Variants in CDH13 observed in about 807,000 individuals in gnomAD.
The protein encoded by CDH13 is cadherin-13.
CDH13 carries 24 observed loss-of-function variants against 63.8 expected under a neutral mutation model. The ratio of observed to expected loss-of-function variants is 0.38; its 90% confidence interval spans 0.27 to 0.53. The LOEUF is 0.53. Among genes scored for constraint, CDH13 ranks in the 20% least tolerant of loss-of-function variants. The pLI, the probability that CDH13 is intolerant of heterozygous loss-of-function variation, is 0.85. For missense variants in CDH13, 1,049 were observed against 903.1 expected, an observed-to-expected ratio of 1.16 and a Z score of -2.07; for synonymous variants, 503 against 355.3, an observed-to-expected ratio of 1.42 and a Z score of -4.67.
intron 4 of CDH13, among the ~76,000 whole-genome samples, chr16:83,135,306 A>G (rs2036233257): frequency 6.6e-6 from 1 of 152,258 alleles, no homozygotes; most frequent in Non-Finnish European, 1.5e-5. Flanking sequence ...TCAATGCCAC[A>G]TCAGTGATCT....
chr16:82,715,029 T>C (rs1395663174), intron 1 of CDH13, among the ~76,000 whole-genome samples: 2 of 144,920 alleles, frequency 1.4e-5, no homozygotes, highest in Non-Finnish European at 3.0e-5. Context: ...TCCCAAACTC[T>C]TTCCACTATG....
chr16:83,423,898 A>G (rs1240067357), intron 6 of CDH13, among the ~76,000 whole-genome samples: 3 of 152,216 alleles, frequency 2.0e-5, no homozygotes, highest in South Asian at 2.1e-4. Flanking sequence ...CCTCCGTCCT[A>G]TGGCAGTCTG....
At chr16:83,572,538 C>T (rs992106270) in intron 7 of CDH13, among the ~76,000 whole-genome samples, 3 of 152,136 alleles carry the variant, frequency 2.0e-5, no homozygotes, top group Admixed American at 6.5e-5. Flanking sequence ...GTGTCAGGTT[C>T]GCCTCTTAAG....
At chr16:83,097,588 T>A (rs2034270260) in intron 3 of CDH13, among the ~76,000 whole-genome samples, 1 of 152,194 alleles carries the variant, frequency 6.6e-6, no homozygotes, top group Admixed American at 6.5e-5. Flanking sequence ...AACTCCTTCC[T>A]TCCTAACTTT....
intron 3 of CDH13, among the ~76,000 whole-genome samples, chr16:83,043,120 T>A (rs1022832836): frequency 6.6e-6 from 1 of 152,228 alleles, no homozygotes; most frequent in Admixed American, 6.5e-5. Flanking sequence ...GACACATGCC[T>A]AAATTGTTAT....
Position 83,705,299 on chromosome 16 carries a change from A to G in CDH13, c.1538+26838A>G, listed in dbSNP as rs11864252. 7.6e-3 allele frequency among the ~76,000 whole-genome samples: 1,153 copies of G among 152,262 alleles called. 25 individuals are homozygous for G. Among genetic ancestry groups the G allele is most frequent in the African/African-American group, 0.026 (1,078 of 41,558 alleles). ...ACCTGGAAAACAAAGTAGACAACCA[A>G]GCTTTTTGAGAATTTTGACTTTTTT... On this transcript the variant is annotated intron_variant, in intron 10 of 13. Coordinates refer to ENST00000567109, the MANE Select transcript of CDH13 (RefSeq NM_001257.5).
chr16:83,381,256 C>A (rs540352111), intron 6 of CDH13, among the ~76,000 whole-genome samples: 2 of 152,196 alleles, frequency 1.3e-5, no homozygotes, highest in South Asian at 4.2e-4. Flanking sequence ...GAGCACATCT[C>A]TTTAGCCTCC....
intron 1 of CDH13, among the ~76,000 whole-genome samples, chr16:82,758,157 G>T (rs2034691744): frequency 6.6e-6 from 1 of 152,030 alleles, no homozygotes. Context: ...AAAAGACCTG[G>T]TCAAAATTGA....
intron 8 of CDH13, among the ~76,000 whole-genome samples, chr16:83,607,210 G>C (rs1257724539): frequency 1.3e-5 from 2 of 152,120 alleles, no homozygotes; most frequent in Non-Finnish European, 2.9e-5. Flanking sequence ...CTGAGGTCAG[G>C]AGTTCGAGAC....
intron 2 of CDH13, among the ~76,000 whole-genome samples, chr16:82,864,695 A>C (rs2040061490): frequency 6.6e-6 from 1 of 152,196 alleles, no homozygotes; most frequent in Admixed American, 6.5e-5. Context: ...GAGTTGTGAC[A>C]CAGAGCCAGA....
At chr16:83,608,173 C>G (rs1043814801) in intron 8 of CDH13, among the ~76,000 whole-genome samples, 2 of 152,180 alleles carry the variant, frequency 1.3e-5, no homozygotes, top group Non-Finnish European at 2.9e-5. Context: ...TCAATGAGTT[C>G]TTTCTAAGGT....
intron 4 of CDH13, among the ~76,000 whole-genome samples, chr16:83,200,959 GTGTGTGTGTGTGTT>G (rs2039011326): frequency 7.3e-6 from 1 of 137,308 alleles, no homozygotes; most frequent in Non-Finnish European, 1.6e-5. Context: ...GTGTGTGTGT[GTGTGTGTGTGTGTT>G]ATTGGGATCT....
intron 4 of CDH13, among the ~76,000 whole-genome samples, chr16:83,158,317 TTG>T (rs1199264438): frequency 6.6e-6 from 1 of 152,208 alleles, no homozygotes; most frequent in African/African-American, 2.4e-5. Context: ...TCTCTGAATG[TTG>T]TTTCTCCTCA....
At chr16:82,739,201 A>G (rs16958422) in intron 1 of CDH13, among the ~76,000 whole-genome samples, 7,594 of 148,804 alleles carry the variant, frequency 0.051, 638 homozygotes, top group African/African-American at 0.18. Flanking sequence ...TGATTTTACT[A>G]TTATATTTTT....
chr16:83,094,978 T>C (rs2034122965), intron 3 of CDH13, among the ~76,000 whole-genome samples: 1 of 152,194 alleles, frequency 6.6e-6, no homozygotes, highest in Non-Finnish European at 1.5e-5. Flanking sequence ...TGAGGTCCTA[T>C]TGTAGGATTA....
chr16:83,457,446 A>C (rs1172565027), intron 6 of CDH13, among the ~76,000 whole-genome samples: 1 of 152,068 alleles, frequency 6.6e-6, no homozygotes, highest in Admixed American at 6.6e-5. Context: ...CAGACACGTC[A>C]CTTACCTCCC....
At chr16:83,105,896 G>C (rs2034739904) in intron 3 of CDH13, among the ~76,000 whole-genome samples, 1 of 152,192 alleles carries the variant, frequency 6.6e-6, no homozygotes, top group Non-Finnish European at 1.5e-5. Flanking sequence ...ATCCCAGTTA[G>C]AGAAACGACA....
chr16:83,274,091 C>A (rs2088909167), intron 5 of CDH13, among the ~76,000 whole-genome samples: 1 of 152,216 alleles, frequency 6.6e-6, no homozygotes, highest in Non-Finnish European at 1.5e-5. Context: ...CTTACACCCT[C>A]TCGCCTTCCC....
chr16:83,225,596 C>A (rs907365461), intron 5 of CDH13, among the ~76,000 whole-genome samples: 1 of 152,140 alleles, frequency 6.6e-6, no homozygotes, highest in African/African-American at 2.4e-5. Flanking sequence ...TCGGCAGAAC[C>A]AGCTTTATCT....
Sources: allele counts gnomAD v4.1 joint callset (sites outside exome capture counted in the v4.1 genomes callset), GRCh38; gene constraint gnomAD v4.1.1; transcripts MANE v1.5; gene names NCBI Gene and HGNC (gene_info 2026-07-23, HGNC 2026-07-21).